The following ST8SIA4 variants were observed in gnomAD, a reference collection of about 807,000 sequenced individuals.
ST8SIA4 encodes CMP-N-acetylneuraminate-poly-alpha-2,8-sialyltransferase.
A neutral mutation model predicts 33.9 loss-of-function variants in ST8SIA4; 15 were observed. The ratio of observed to expected loss-of-function variants is 0.44; its 90% CI spans 0.30 to 0.68. ST8SIA4 has a LOEUF of 0.68. Ranked by LOEUF, ST8SIA4 falls within the 30% of genes least tolerant of loss-of-function variation. The probability of loss-of-function intolerance (pLI) is 0.10; values close to 1 mark genes in which losing one functional copy is unlikely to be tolerated. For missense variants in ST8SIA4, 321 were observed against 428.0 expected (o/e 0.75, Z 2.21); for synonymous variants, 171 against 151.2 (o/e 1.13, Z -0.96).
chr5:100,860,756 G>A (rs1408523128), intron 3 of ST8SIA4, among the ~76,000 whole-genome samples: 3 of 152,092 alleles, frequency 2.0e-5, no homozygotes, highest in African/African-American at 7.2e-5. Context: ...ATACATATGA[G>A]TTCATTCAGA....
intron 2 of ST8SIA4, among the ~76,000 whole-genome samples, chr5:100,886,838 A>G (rs1752548213): frequency 6.6e-6 from 1 of 152,154 alleles, no homozygotes; most frequent in Non-Finnish European, 1.5e-5. Context: ...ATACATAGAT[A>G]TAGTATAAAC....
At chr5:100,827,722 T>C (rs554792659) in intron 4 of ST8SIA4, among the ~76,000 whole-genome samples, 74 of 152,314 alleles carry the variant, frequency 4.9e-4, no homozygotes, top group Non-Finnish European at 9.1e-4. Flanking sequence ...AATCAGGCAC[T>C]CCCTGGCTTC....
chr5:100,819,391 C>T (rs1027253614), intron 4 of ST8SIA4, among the ~76,000 whole-genome samples: 6 of 152,216 alleles, frequency 3.9e-5, no homozygotes, highest in African/African-American at 9.6e-5. Context: ...TCTTTATTCT[C>T]TATTTTTATT....
intron 2 of ST8SIA4, among the ~76,000 whole-genome samples, chr5:100,887,196 A>G (rs1336774154): frequency 6.6e-6 from 1 of 152,100 alleles, no homozygotes; most frequent in East Asian, 1.9e-4. Context: ...GAGTCCTGGA[A>G]GTAAGATGGA....
At chr5:100,829,887 G>A (rs1319270312) in intron 4 of ST8SIA4, among the ~76,000 whole-genome samples, 1 of 142,840 alleles carries the variant, frequency 7.0e-6, no homozygotes. Flanking sequence ...CAACCTGGGC[G>A]ACAGAGCGAG....
intron 4 of ST8SIA4, among the ~76,000 whole-genome samples, chr5:100,853,407 G>T (rs1751744928): frequency 1.3e-5 from 2 of 152,270 alleles, no homozygotes; most frequent in South Asian, 4.1e-4. Context: ...CCACAGTTTA[G>T]AACTCAATAC....
At chr5:100,816,305 GATA>G in intron 4 of ST8SIA4, among the ~76,000 whole-genome samples, 1 of 152,224 alleles carries the variant, frequency 6.6e-6, no homozygotes, top group East Asian at 1.9e-4. Context: ...AATAAAAGCA[GATA>G]ATAATCACCC....
chr5:100,825,420 T>G (rs1277231411), intron 4 of ST8SIA4, among the ~76,000 whole-genome samples: 1 of 152,208 alleles, frequency 6.6e-6, no homozygotes, highest in Non-Finnish European at 1.5e-5. Context: ...AAATAAGAAG[T>G]GCATTAGTGT....
At chr5:100,900,675 C>T (rs1422457915) in intron 1 of ST8SIA4, among the ~76,000 whole-genome samples, 1 of 150,910 alleles carries the variant, frequency 6.6e-6, no homozygotes, top group Admixed American at 6.6e-5. Flanking sequence ...TCGCGGCCAG[C>T]CCTCTGCCTT....
chr5:100,877,981 C>G (rs1328803921), intron 3 of ST8SIA4, among the ~76,000 whole-genome samples: 1 of 152,098 alleles, frequency 6.6e-6, no homozygotes, highest in Non-Finnish European at 1.5e-5. Context: ...TATTAATTAA[C>G]CTTTGAAAAG....
chr5:100,864,378 T>C (rs1752015963), intron 3 of ST8SIA4, among the ~76,000 whole-genome samples: 1 of 151,598 alleles, frequency 6.6e-6, no homozygotes, highest in African/African-American at 2.4e-5. Flanking sequence ...ATCGAGACTA[T>C]CCTGGCTAAC....
At chr5:100,827,146 T>A (rs998574230) in intron 4 of ST8SIA4, among the ~76,000 whole-genome samples, 1 of 152,216 alleles carries the variant, frequency 6.6e-6, no homozygotes, top group Non-Finnish European at 1.5e-5. Context: ...GTCAGAAGTT[T>A]TGAAGTTCTA....
At chr5:100,885,440 A>G (rs1246294171) in intron 3 of ST8SIA4, 2 of 939,782 alleles carry the variant, frequency 2.1e-6, no homozygotes, top group Admixed American at 1.2e-4. Context: ...TTTATTTAAA[A>G]ATATTCAAAA....
intron 1 of ST8SIA4, among the ~76,000 whole-genome samples, chr5:100,897,535 T>C (rs531333353): frequency 7.9e-5 from 12 of 152,298 alleles, no homozygotes; most frequent in African/African-American, 2.2e-4. Flanking sequence ...ATTTGCTCCA[T>C]AACAAAGTCT....
intron 4 of ST8SIA4, among the ~76,000 whole-genome samples, chr5:100,818,080 A>T (rs775697045): frequency 6.6e-6 from 1 of 152,180 alleles, no homozygotes; most frequent in Non-Finnish European, 1.5e-5. Flanking sequence ...CTTGGTGGTG[A>T]TGGGAAAGAA....
At chr5:100,884,351 A>C (rs542175321) in intron 3 of ST8SIA4, among the ~76,000 whole-genome samples, 15 of 152,316 alleles carry the variant, frequency 9.8e-5, no homozygotes, top group African/African-American at 3.6e-4. Flanking sequence ...CAATACCATC[A>C]AGTGGCCAGT....
intron 3 of ST8SIA4, among the ~76,000 whole-genome samples, chr5:100,872,002 A>T (rs1332168457): frequency 6.6e-6 from 1 of 151,924 alleles, no homozygotes; most frequent in South Asian, 2.1e-4. Context: ...TTTATATATG[A>T]CTCCTCTTAT....
intron 3 of ST8SIA4, among the ~76,000 whole-genome samples, chr5:100,864,574 CAAAAAAAAAAAAAAAAA>C (rs201029430): frequency 4.3e-5 from 3 of 69,384 alleles, no homozygotes; most frequent in Admixed American, 1.6e-4. Context: ...GACTCCGGCT[CAAAAAAAAAAAAAAAAA>C]AAAAAAAAAA....
chr5:100,888,031 T>A (rs1455157746), intron 2 of ST8SIA4, among the ~76,000 whole-genome samples: 1 of 151,800 alleles, frequency 6.6e-6, no homozygotes, highest in East Asian at 1.9e-4. Context: ...TAGATTAAAA[T>A]GACTTAAGGG....
Sources: allele counts gnomAD v4.1 joint callset (sites outside exome capture counted in the v4.1 genomes callset), GRCh38; gene constraint gnomAD v4.1.1; transcripts MANE v1.5; gene names NCBI Gene and HGNC (gene_info 2026-07-23, HGNC 2026-07-21).